SLC39A11: variants seen among roughly 807,000 people sequenced by gnomAD.
The protein encoded by SLC39A11 is solute carrier family 39 member 11, also known as zinc transporter ZIP11.
In SLC39A11, 33 loss-of-function variants were observed where a neutral mutation model predicts 36.1. The observed-to-expected ratio is 0.91, with a 90% CI of 0.69 to 1.22. The LOEUF is 1.22. Among genes scored for constraint, SLC39A11 ranks in the 50% most tolerant of loss-of-function variants. SLC39A11 has a pLI of 0.00. For synonymous variants in SLC39A11, 166 were observed against 170.3 expected, an observed-to-expected ratio of 0.97 and a Z score of 0.20; for missense variants, 432 against 430.3, an observed-to-expected ratio of 1.00 and a Z score of -0.03.
chr17:73,046,761 G>A (rs1038818275), intron 3 of SLC39A11, among the ~76,000 whole-genome samples: 4 of 151,886 alleles, frequency 2.6e-5, no homozygotes, highest in Admixed American at 2.6e-4. Context: ...GGGCAACATG[G>A]CAAAACCCCA....
At chr17:72,861,683 ATATAT>A (rs1377815569) in intron 5 of SLC39A11, among the ~76,000 whole-genome samples, 3,813 of 126,208 alleles carry the variant, frequency 0.03, 179 homozygotes, top group Non-Finnish European at 0.039. Context: ...ATATATATAT[ATATAT>A]AAAATATATA....
intron 4 of SLC39A11, among the ~76,000 whole-genome samples, chr17:73,027,341 C>T (rs1168033730): frequency 1.3e-5 from 2 of 152,240 alleles, no homozygotes; most frequent in East Asian, 1.9e-4. Context: ...AGCCTCCTCC[C>T]AGGCCCAGTA....
rs2060827515 is a variant in SLC39A11 at position 73,088,742 on chromosome 17, A to C, written c.23T>G (p.Val8Gly). The C allele has an allele frequency of 6.2e-7, 1 of 1,609,286 alleles. No homozygotes were observed. The highest frequency in any genetic ancestry group is 1.3e-5 in the African/African-American group (1 of 74,766). Residue 8 changes from valine to glycine, a missense_variant, in exon 2 of 10, where the codon GTG becomes GGG. Coordinates refer to ENST00000255559, the MANE Select transcript of SLC39A11 (RefSeq NM_139177.4). ...GAAGGTCCCCAGCAAGGCCTGGAAC[A>C]CAGAGCTGTGGCCTTGGAGCATGCT... MLQGHSS[V>G]FQALLGTFFT...
chr17:73,000,871 A>C (rs945053298), intron 4 of SLC39A11, among the ~76,000 whole-genome samples: 1 of 152,230 alleles, frequency 6.6e-6, no homozygotes, highest in Non-Finnish European at 1.5e-5. Flanking sequence ...CAAGGATATT[A>C]GAAGAAAACT....
intron 5 of SLC39A11, among the ~76,000 whole-genome samples, chr17:72,924,633 T>C (rs1294815216): frequency 6.6e-6 from 1 of 152,070 alleles, no homozygotes; most frequent in African/African-American, 2.4e-5. Context: ...CCAATGAAGA[T>C]ATATTCTCTA....
In SLC39A11 at chr17:72,675,150, C is replaced by T. The variant is rs180893573; in HGVS notation, c.672-25882G>A. ...CTATGGTCTAATGTGTGTGTGCCCC[C>T]AAATTTCATATTGTGAAACCTAATC... On this transcript the variant is annotated intron_variant, in intron 7 of 9. Coordinates refer to ENST00000255559, the MANE Select transcript of SLC39A11 (RefSeq NM_139177.4). Among the ~76,000 whole-genome samples the T allele has an allele frequency of 2.6e-4, 39 of 152,212 alleles. 1 individual carries two copies. Among genetic ancestry groups the T allele is most frequent in the Non-Finnish European group, 4.9e-4 (33 of 68,016 alleles).
chr17:72,654,882 A>T (rs555258077), intron 7 of SLC39A11, among the ~76,000 whole-genome samples: 12 of 152,314 alleles, frequency 7.9e-5, no homozygotes, highest in African/African-American at 2.9e-4. Context: ...CATAGCGCTG[A>T]CTACAGCCAT....
rs1044512777 is a variant in SLC39A11 at position 72,819,720 on chromosome 17, T to C, written c.601+29914A>G. On this transcript the variant is annotated intron_variant, in intron 6 of 9. Coordinates refer to ENST00000255559, the MANE Select transcript of SLC39A11 (RefSeq NM_139177.4). ...TGCATTTTAGGCTTTTCCAACAGCC[T>C]CTTGGTGGATCCCAAACCATTTTGG... Among the ~76,000 whole-genome samples, 75 of 151,396 alleles carry C rather than the reference T, an allele frequency of 5.0e-4. 2 individuals carry two copies. The highest frequency in any genetic ancestry group is 1.7e-3 in the African/African-American group (69 of 41,462).
chr17:72,830,799 G>C (rs1354537974), intron 6 of SLC39A11, among the ~76,000 whole-genome samples: 1 of 152,072 alleles, frequency 6.6e-6, no homozygotes, highest in Non-Finnish European at 1.5e-5. Context: ...GAGTTCCTTA[G>C]TGCCTGAAAT....
intron 7 of SLC39A11, among the ~76,000 whole-genome samples, chr17:72,718,161 A>G (rs1300678899): frequency 6.6e-6 from 1 of 152,228 alleles, no homozygotes; most frequent in Non-Finnish European, 1.5e-5. Flanking sequence ...TTAAAGAAGC[A>G]TCTGGGCTGA....
intron 4 of SLC39A11, among the ~76,000 whole-genome samples, chr17:72,970,378 A>G (rs2087349945): frequency 6.6e-6 from 1 of 152,214 alleles, no homozygotes; most frequent in Non-Finnish European, 1.5e-5. Context: ...GCTTATTACA[A>G]GTAACAAGCC....
At chr17:73,088,317 AAGAAAAG>A in intron 2 of SLC39A11, among the ~76,000 whole-genome samples, 1 of 151,820 alleles carries the variant, frequency 6.6e-6, no homozygotes, top group East Asian at 1.9e-4. Flanking sequence ...AAAAAGAAAA[AAGAAAAG>A]AAATTACATG....
intron 5 of SLC39A11, among the ~76,000 whole-genome samples, chr17:72,882,360 T>TAAAA (rs11332921): frequency 1.6e-5 from 2 of 126,280 alleles, no homozygotes; most frequent in Admixed American, 8.2e-5. Context: ...TTCCTATATC[T>TAAAA]AAAAAAAAAA....
chr17:72,951,441 T>C (rs2452918), intron 4 of SLC39A11, among the ~76,000 whole-genome samples: 58,635 of 151,722 alleles, frequency 0.39, 11,527 homozygotes, highest in East Asian at 0.6. Context: ...GACTCCCTGC[T>C]CACCTTCACG....
At chr17:72,741,053 C>T (rs1300560148) in intron 6 of SLC39A11, among the ~76,000 whole-genome samples, 1 of 152,066 alleles carries the variant, frequency 6.6e-6, no homozygotes, top group Admixed American at 6.5e-5. Flanking sequence ...GGATTACAAG[C>T]ATGAGCCACT....
intron 5 of SLC39A11, among the ~76,000 whole-genome samples, chr17:72,874,826 C>T (rs981955294): frequency 1.3e-5 from 2 of 152,214 alleles, no homozygotes; most frequent in African/African-American, 4.8e-5. Context: ...ACAGCCAGGG[C>T]CTCCAACCCA....
At chr17:72,790,605 C>T (rs1454127277) in intron 6 of SLC39A11, among the ~76,000 whole-genome samples, 2 of 151,908 alleles carry the variant, frequency 1.3e-5, no homozygotes, top group East Asian at 1.9e-4. Flanking sequence ...GATCATGGCT[C>T]ACTGCAACCT....
At chr17:73,014,420 G>A (rs886334482) in intron 4 of SLC39A11, among the ~76,000 whole-genome samples, 2 of 152,130 alleles carry the variant, frequency 1.3e-5, no homozygotes, top group Non-Finnish European at 2.9e-5. Context: ...ACTTTGAGAG[G>A]CCCAGGTGGA....
At chr17:72,984,026 C>A (rs1406793186) in intron 4 of SLC39A11, among the ~76,000 whole-genome samples, 1 of 152,128 alleles carries the variant, frequency 6.6e-6, no homozygotes, top group Non-Finnish European at 1.5e-5. Context: ...AGAGGGGTAA[C>A]CAGGCAGAGA....
Sources: allele counts gnomAD v4.1 joint callset (sites outside exome capture counted in the v4.1 genomes callset), GRCh38; gene constraint gnomAD v4.1.1; transcripts MANE v1.5; gene names NCBI Gene and HGNC (gene_info 2026-07-23, HGNC 2026-07-21).